The following CRMP1 variants were observed in gnomAD, a reference collection of about 807,000 sequenced individuals.
CRMP1 encodes dihydropyrimidinase-related protein 1.
A neutral mutation model predicts 68.3 loss-of-function variants in CRMP1; 19 were observed. The observed-to-expected ratio is 0.28, with a 90% CI of 0.19 to 0.41. The LOEUF is 0.41. CRMP1 is among the 10% of genes least tolerant of loss of function. The pLI, the probability that CRMP1 is intolerant of heterozygous loss-of-function variation, is 1.00. For synonymous variants in CRMP1, 439 were observed against 399.6 expected (o/e 1.10, Z -1.18); for missense variants, 791 against 967.4 (o/e 0.82, Z 2.42).
In CRMP1 at chr4:5,889,953, G is replaced by C. The variant is rs938794488; in HGVS notation, c.381+2636C>G. 1 of 1,322,720 alleles carries C rather than the reference G, an allele frequency of 7.6e-7. No individual in the cohort carries two copies. Among genetic ancestry groups the C allele is most frequent in the Non-Finnish European group, 9.7e-7 (1 of 1,030,100 alleles). The allele number at this position is 1,322,720 out of a possible 1,614,324, so 81.9% of individuals were successfully genotyped here. A position where few individuals can be genotyped will look rare whatever the true frequency, so the allele number is the denominator to read the frequency against. ...CAGACAGGAAATTGAGGCTTACAGA[G>C]GTAAAATGATGTACCCCGGGTGCAA... On this transcript the variant is annotated intron_variant, in intron 1 of 13. Transcript: ENST00000324989. The surrounding 1 kb of genome is among the most constrained non-coding windows in gnomAD (Gnocchi z 4.5).
At chr4:5,829,998 C>A (rs1236721071) in intron 11 of CRMP1, among the ~76,000 whole-genome samples, 1 of 152,164 alleles carries the variant, frequency 6.6e-6, no homozygotes, top group Non-Finnish European at 1.5e-5. Flanking sequence ...TACCTGACAG[C>A]CTTTGGTAAA....
chr4:5,842,942 G>A lies in CRMP1; in HGVS notation c.1032+151C>T. The A allele has an allele frequency of 8.1e-6, 6 of 739,124 alleles. No individual in the cohort carries two copies. The highest frequency in any genetic ancestry group is 1.4e-5 in the Non-Finnish European group (6 of 431,784). The allele number at this position is 739,124 out of a possible 1,614,324, so 45.8% of individuals were successfully genotyped here. A position where few individuals can be genotyped will look rare whatever the true frequency, so the allele number is the denominator to read the frequency against. Reference sequence around the variant, plus strand: ...GTCTTCTCCAGCCAGCAGTCCCCAGGGTTCCCGGGGAAAACAAGATGGTTT... The same window carrying A: ...GTCTTCTCCAGCCAGCAGTCCCCAGAGTTCCCGGGGAAAACAAGATGGTTT... On this transcript the variant is annotated intron_variant, in intron 7 of 13. Coordinates refer to ENST00000324989, the MANE Select transcript of CRMP1 (RefSeq NM_001014809.3). The surrounding 1 kb of genome is among the most constrained non-coding windows in gnomAD (Gnocchi z 4.5).
chr4:5,856,146 T>C lies in CRMP1; in HGVS notation c.817A>G (p.Lys273Glu). Residue 273 changes from lysine to glutamate, a missense_variant, in exon 4 of 14, where the codon AAA becomes GAA. Physicochemically the swap from Lys to Glu is moderately conservative, Grantham distance 56. This residue lies in a region of CRMP1 where 594 missense variants were observed against 763.6 expected (regional missense o/e 0.78). Coordinates refer to ENST00000324989, the MANE Select transcript of CRMP1 (RefSeq NM_001014809.3). Reference sequence around the variant, plus strand: ...CCGTTCCGAGGCTTTAACTGACCTTTGTCCTGCACCAGCACCTCCAGCTCC... The same window carrying C: ...CCGTTCCGAGGCTTTAACTGACCTTCGTCCTGCACCAGCACCTCCAGCTCC... The part of the protein sequence containing the change: ...REELEVLVQD[K>E]GVNSFQVYMA... 6.2e-7 allele frequency: 1 copy of C among 1,613,882 alleles called. No homozygotes were observed. The highest frequency in any genetic ancestry group is 8.5e-7 in the Non-Finnish European group (1 of 1,179,852).
At chr4:5,868,271 A>ATC (rs1307662998) in intron 1 of CRMP1, among the ~76,000 whole-genome samples, 12 of 24,654 alleles carry the variant, frequency 4.9e-4, no homozygotes, top group Admixed American at 1.9e-3. Context: ...CTATATATAT[A>ATC]TATATATATA....
chr4:5,826,451 G>GGGGAGGACACCTCCACACCAGCCTGC (rs555574675), intron 12 of CRMP1: 2,023 of 152,640 alleles, frequency 0.013, 23 homozygotes, highest in South Asian at 0.038. Context: ...GGGATGCTGT[G>GGGGAGGACACCTCCACACCAGCCTGC]GGGAGGACAC....
At position 5,849,602 on chromosome 4, in the gene CRMP1, AT is replaced by A. The variant is rs3832267; in HGVS notation, c.883-131del. The A allele has an allele frequency of 6.2e-4, 385 of 625,476 alleles. 6 individuals carry two copies. In the East Asian group the frequency reaches 9.6e-3, roughly 16 times the overall value. 38.7% of individuals were successfully genotyped at this position (625,476 alleles called of 1,614,324 possible). A position where few individuals can be genotyped will look rare whatever the true frequency, so the allele number is the denominator to read the frequency against. On this transcript the variant is annotated intron_variant, in intron 5 of 13. Coordinates refer to ENST00000324989, the MANE Select transcript of CRMP1 (RefSeq NM_001014809.3). ...CCTGCCAGCCTCTGCAAACACATTC[AT>A]GTGGATGGAATACGCTGCTACACAA...
At chr4:5,869,696 A>AG (rs1372911732) in intron 1 of CRMP1, among the ~76,000 whole-genome samples, 5 of 149,978 alleles carry the variant, frequency 3.3e-5, no homozygotes, top group Admixed American at 1.3e-4. Flanking sequence ...AAAAAAAAAA[A>AG]AAAAAGAAAA....
rs918834427 is a variant in CRMP1, at chr4:5,849,440, C to G, written c.915G>C (p.Leu305=). ...LYEAFTFLKG[L]GAVILVHAEN... ...CTGCATGGACCAAGATCACAGCTCC[C>G]AGGCCCTTAAGGAAGGTAAAGGCTT... is the stretch of plus-strand genomic sequence containing the variant. Residue 305 remains leucine (L), a synonymous_variant, in exon 6 of 14, where the codon CTG becomes CTC. Transcript: ENST00000324989. The G allele has an allele frequency of 1.2e-6, 2 of 1,613,948 alleles. No homozygotes were observed. The highest frequency in any genetic ancestry group is 3.3e-5 in the Admixed American group (2 of 60,004).
Position 5,891,747 on chromosome 4 carries a change from C to G in CRMP1, c.381+842G>C, listed in dbSNP as rs891110333. ...TCGTCGGTCCATCCAAAGGCTACGC[C>G]GTCCATCCGCCCTTCTTCCCCCAGT... is the stretch of plus-strand genomic sequence containing the variant. On this transcript the variant is annotated intron_variant, in intron 1 of 13. Transcript: ENST00000324989. The surrounding 1 kb of genome is among the most constrained non-coding windows in gnomAD (Gnocchi z 5.2). Among the ~76,000 whole-genome samples the G allele has an allele frequency of 2.6e-5, 4 of 152,198 alleles. No homozygotes were observed. The highest frequency in any genetic ancestry group is 4.4e-5 in the Non-Finnish European group (3 of 68,040).
Position 5,825,136 on chromosome 4 carries a change from G to T in CRMP1, c.1969+358C>A, listed in dbSNP as rs1000148603. 1.0e-6 allele frequency: 1 copy of T among 985,404 alleles called. No individual in the cohort carries two copies. The allele number at this position is 985,404 out of a possible 1,614,324, so 61.0% of individuals were successfully genotyped here. ...ACACAGAGCACATGCCCTGCAAATG[G>T]CAGCTACTCCCATCTCTTGTTCATC... On this transcript the variant is annotated intron_variant, in intron 13 of 13. Coordinates refer to ENST00000324989, the MANE Select transcript of CRMP1 (RefSeq NM_001014809.3). This position sits in a 1 kb window ranked among gnomAD's most constrained non-coding sequence, Gnocchi z 4.4.
rs893052257 is a variant in CRMP1 at position 5,843,975 on chromosome 4, A to AT, written c.964-815_964-814insA. Among the ~76,000 whole-genome samples the AT allele has an allele frequency of 1.1e-4, 17 of 151,886 alleles. No individual in the cohort carries two copies. The highest frequency in any genetic ancestry group is 3.6e-4 in the African/African-American group (15 of 41,288). ...TTAATTTCTAAAATAAAAAATAAAAAAAAAATTTGACATTGCCCAGATGCC... is the reference window on the plus strand; with the variant it reads ...TTAATTTCTAAAATAAAAAATAAAAATAAAAATTTGACATTGCCCAGATGCC... On this transcript the variant is annotated intron_variant, in intron 6 of 13. Coordinates refer to ENST00000324989, the MANE Select transcript of CRMP1 (RefSeq NM_001014809.3). This position sits in a 1 kb window ranked among gnomAD's most constrained non-coding sequence, Gnocchi z 4.1.
In CRMP1 at chr4:5,833,268, G is replaced by A. The variant is rs556060528; in HGVS notation, c.1623+2647C>T. On this transcript the variant is annotated intron_variant, in intron 11 of 13. Coordinates refer to ENST00000324989, the MANE Select transcript of CRMP1 (RefSeq NM_001014809.3). ...CGCAAGCTCCGCCTCCCGGGTTCAC[G>A]CCATTCTCCTGCCTCAGCCTCCCGA... Among the ~76,000 whole-genome samples, 23 of 93,504 alleles carry A rather than the reference G, an allele frequency of 2.5e-4. 3 individuals are homozygous for A. The South Asian group carries it at 7.1e-3, about 29-fold the overall frequency. 61.3% of individuals were successfully genotyped at this position (93,504 alleles called of 152,430 possible). A position where few individuals can be genotyped will look rare whatever the true frequency, so the allele number is the denominator to read the frequency against.
At chr4:5,836,671 G>T in intron 10 of CRMP1, 94 bp downstream of exon 10, 3 of 1,583,160 alleles carry the variant, frequency 1.9e-6, no homozygotes, top group Non-Finnish European at 2.6e-6. Context: ...ATGTAAGAAG[G>T]GAACTTTTAA....
At chr4:5,832,356 A>G (rs1451568185) in intron 11 of CRMP1, among the ~76,000 whole-genome samples, 1 of 152,266 alleles carries the variant, frequency 6.6e-6, no homozygotes, top group African/African-American at 2.4e-5. Flanking sequence ...ACATCCAGAT[A>G]GTCTATGATA....
chr4:5,863,032 T>G (rs1222371005), intron 2 of CRMP1, among the ~76,000 whole-genome samples: 1 of 152,116 alleles, frequency 6.6e-6, no homozygotes, highest in Non-Finnish European at 1.5e-5. Flanking sequence ...AGGCTAATCT[T>G]GAACTCCTGA....
At position 5,892,590 on chromosome 4, in the gene CRMP1, T is replaced by C; in HGVS notation, c.380A>G (p.Gln127Arg). 1 of 1,179,618 alleles carries C rather than the reference T, an allele frequency of 8.5e-7. No individual in the cohort carries two copies. Among genetic ancestry groups the C allele is most frequent in the Non-Finnish European group, 1.0e-6 (1 of 954,288 alleles). The allele number at this position is 1,179,618 out of a possible 1,614,324, so 73.1% of individuals were successfully genotyped here. Residue 127 changes from glutamine (Q) to arginine (R), a missense_variant and splice_region_variant, in exon 1 of 14, where the codon CAG becomes CGG. Physicochemically the swap from Gln to Arg is conservative, Grantham distance 43 (BLOSUM62 1). Around this residue, in one of 3 missense-constraint regions of CRMP1, gnomAD observed 594 missense variants for 763.6 expected, o/e 0.78. Transcript: ENST00000324989. This position sits in a 1 kb window ranked among gnomAD's most constrained non-coding sequence, Gnocchi z 8.6. ...GGCCCGCGCGCGCCCCGAGGGTACC[T>C]GGCCATTGTCCCGGCCGAGGGGCAG... ...RDLPLGRDNG[Q>R]SDRLLIKGGR...
chr4:5,831,465 A>C (rs1321859190), intron 11 of CRMP1, among the ~76,000 whole-genome samples: 1 of 152,216 alleles, frequency 6.6e-6, no homozygotes, highest in East Asian at 1.9e-4. Context: ...CCAGGCAGAC[A>C]GTGCGTTTCC....
rs1037001359 is a variant in CRMP1, at chr4:5,836,655, G to A, written c.1452+110C>T. ...GCGCCCTCCTAGTATATCTGCTTCCGCCTCCATGTAAGAAGGGAACTTTTA... is the reference window on the plus strand; with the variant it reads ...GCGCCCTCCTAGTATATCTGCTTCCACCTCCATGTAAGAAGGGAACTTTTA... On this transcript the variant is annotated intron_variant, in intron 10 of 13. Transcript: ENST00000324989. 9.2e-5 allele frequency: 139 copies of A among 1,513,858 alleles called. 1 individual carries two copies. The highest frequency in any genetic ancestry group is 1.0e-4 in the Non-Finnish European group (111 of 1,095,518). The allele number at this position is 1,513,858 out of a possible 1,614,324, so 93.8% of individuals were successfully genotyped here. A position where few individuals can be genotyped will look rare whatever the true frequency, so the allele number is the denominator to read the frequency against.
chr4:5,885,710 C>A (rs928957502), intron 1 of CRMP1, among the ~76,000 whole-genome samples: 4 of 152,186 alleles, frequency 2.6e-5, no homozygotes, highest in Non-Finnish European at 5.9e-5. Flanking sequence ...GTATGATACC[C>A]TTAACACTTC....
Sources: gnomAD v4.1 joint callset for allele counts (sites outside exome capture counted in the v4.1 genomes callset) on GRCh38, gnomAD v4.1.1 for gene constraint, gnomAD v4.1.1 regional missense constraint, Gnocchi (gnomAD v3.1) non-coding constraint, MANE v1.5 for transcripts, NCBI Gene and HGNC (gene_info 2026-07-23, HGNC 2026-07-21) for gene names.